ANKRD52: variants seen among roughly 807,000 people sequenced by gnomAD.
The protein encoded by ANKRD52 is ankyrin repeat domain 52.
In ANKRD52, 7 loss-of-function variants were observed where a neutral mutation model predicts 116.0. The ratio of observed to expected loss-of-function variants is 0.06; its 90% CI spans 0.03 to 0.11. ANKRD52 has a LOEUF of 0.11. Ranked by LOEUF, ANKRD52 falls within the 10% of genes least tolerant of loss-of-function variation. ANKRD52 has a pLI of 1.00. For synonymous variants in ANKRD52, 528 were observed against 578.1 expected (o/e 0.91, Z 1.24); for missense variants, 839 against 1,408.6 (o/e 0.60, Z 6.47).
At position 56,245,551 on chromosome 12, in the gene ANKRD52, C is replaced by T. The variant is rs767235586; in HGVS notation, c.2230G>A (p.Asp744Asn). The T allele has an allele frequency of 5.6e-6, 9 of 1,609,476 alleles. No homozygotes were observed. The highest frequency in any genetic ancestry group is 2.2e-5 in the East Asian group (1 of 44,844). The change falls in exon 21 of 28, where the codon GAC (aspartate) becomes AAC (asparagine). Residue 744 changes from aspartate to asparagine, a missense_variant. By Grantham distance (23) the Asp-to-Asn change is conservative. Coordinates refer to ENST00000267116, the MANE Select transcript of ANKRD52 (RefSeq NM_173595.4). ...EDCLAALLDH[D>N]AFVLCRDFKG... ...AAGTCTCGGCACAGCACAAATGCGT[C>T]GTGGTCCAGCAGGGCAGCCAGGCAG...
rs1871820551 is a variant in ANKRD52 at position 56,253,942 on chromosome 12, C to A, written c.906+125G>T. 1 of 1,332,776 alleles carries A rather than the reference C, an allele frequency of 7.5e-7. No individual in the cohort carries two copies. Among genetic ancestry groups the A allele is most frequent in the East Asian group, 2.4e-5 (1 of 41,568 alleles). 82.6% of individuals were successfully genotyped at this position (1,332,776 alleles called of 1,614,324 possible). On this transcript the variant is annotated intron_variant, in intron 8 of 27. Transcript: ENST00000267116. This position sits in a 1 kb window ranked among gnomAD's most constrained non-coding sequence, Gnocchi z 5.5. ...TCTTAGCCCACTCTTTCCTGAGTCC[C>A]TGGCAAGGTCTGATTACCCTAGGAA...
In ANKRD52 at chr12:56,243,526, C is replaced by T. The variant is rs956641267; in HGVS notation, c.2981-134G>A. 10 of 1,329,842 alleles carry T rather than the reference C, an allele frequency of 7.5e-6. No individual in the cohort carries two copies. Among genetic ancestry groups the T allele is most frequent in the South Asian group, 1.5e-5 (1 of 66,850 alleles). The allele number at this position is 1,329,842 out of a possible 1,614,324, so 82.4% of individuals were successfully genotyped here. A position where few individuals can be genotyped will look rare whatever the true frequency, so the allele number is the denominator to read the frequency against. On this transcript the variant is annotated intron_variant, in intron 27 of 27. Coordinates refer to ENST00000267116, the MANE Select transcript of ANKRD52 (RefSeq NM_173595.4). The surrounding 1 kb of genome is among the most constrained non-coding windows in gnomAD (Gnocchi z 4.6). ...CAGCAGCGGCAGAATCCAAGGGTGACGAGGGCCCAGGAAGGCTGACAGGCA... is the reference window on the plus strand; with the variant it reads ...CAGCAGCGGCAGAATCCAAGGGTGATGAGGGCCCAGGAAGGCTGACAGGCA...
chr12:56,245,365 C>A lies in ANKRD52; in HGVS notation c.2404+12G>T. 1 of 1,608,742 alleles carries A rather than the reference C, an allele frequency of 6.2e-7. No individual in the cohort carries two copies. Among genetic ancestry groups the A allele is most frequent in the Non-Finnish European group, 8.5e-7 (1 of 1,177,982 alleles). ...ACATGCTCCTGTGCCTGTGGAGGCC[C>A]CAGTCTAGTACCAGTGTAGGAGGCC... is the stretch of plus-strand genomic sequence containing the variant. On this transcript the variant is annotated intron_variant, in intron 21 of 27. Transcript: ENST00000267116.
intron 20 of ANKRD52, among the ~76,000 whole-genome samples, chr12:56,247,271 A>T (rs181033285): frequency 1.8e-3 from 270 of 150,866 alleles, no homozygotes; most frequent in African/African-American, 3.8e-3. Context: ...ACCTGAGCCC[A>T]GGAAGTCAAG....
Position 56,247,544 on chromosome 12 carries a change from T to C in ANKRD52, c.2133A>G (p.Gly711=). Residue 711 remains glycine (G), a synonymous_variant, in exon 20 of 28, where the codon GGA becomes GGG. Transcript: ENST00000267116. ...VDCVHLLLEK[G]STADAADLRG... ...GGAGGTCAGCAGCATCAGCTGTGGA[T>C]CCTTTCTCTAGCAGCAGATGTACAC... 6.3e-7 allele frequency: 1 copy of C among 1,597,000 alleles called. No homozygotes were observed.
chr12:56,247,364 A>G (rs1242985239), intron 20 of ANKRD52, 129 bp downstream of exon 20: 10 of 752,522 alleles, frequency 1.3e-5, no homozygotes, highest in Admixed American at 6.1e-5. Context: ...AAAAAAAAAA[A>G]GAAAAAGAAA....
In ANKRD52 at chr12:56,254,331, G is replaced by A. The variant is rs1871842909; in HGVS notation, c.694-52C>T. The A allele has an allele frequency of 5.2e-5, 81 of 1,569,728 alleles. No individual in the cohort carries two copies. Among genetic ancestry groups the A allele is most frequent in the Non-Finnish European group, 6.9e-5 (79 of 1,147,300 alleles). On this transcript the variant is annotated intron_variant, in intron 7 of 27. Coordinates refer to ENST00000267116, the MANE Select transcript of ANKRD52 (RefSeq NM_173595.4). The surrounding 1 kb of genome is among the most constrained non-coding windows in gnomAD (Gnocchi z 4.6). ...TGGTATCAGTTTAAACAAAGTAGAA[G>A]CCAGCACATGTAGCCTCCAGATCCC...
Position 56,248,344 on chromosome 12 carries a change from G to A in ANKRD52, c.1777-120C>T. Reference sequence around the variant, plus strand: ...GTCTTAGTCCTTGACAAGCTCCTTGGGCCCCTTAAGGCTTCCTACCCTGCA... The same window carrying A: ...GTCTTAGTCCTTGACAAGCTCCTTGAGCCCCTTAAGGCTTCCTACCCTGCA... On this transcript the variant is annotated intron_variant, in intron 17 of 27. Transcript: ENST00000267116. The surrounding 1 kb of genome is among the most constrained non-coding windows in gnomAD (Gnocchi z 5.1). 2 of 1,407,604 alleles carry A rather than the reference G, an allele frequency of 1.4e-6. No individual in the cohort carries two copies. The allele number at this position is 1,407,604 out of a possible 1,614,324, so 87.2% of individuals were successfully genotyped here.
At position 56,258,291 on chromosome 12, in the gene ANKRD52, G is replaced by T; in HGVS notation, c.-22C>A. On this transcript the variant is annotated 5_prime_UTR_variant, in exon 1 of 28. Coordinates refer to ENST00000267116, the MANE Select transcript of ANKRD52 (RefSeq NM_173595.4). ...CCATGGCTCGGCCCGGGCTCCGTCC[G>T]CATCGAGCTCCCGGCGGCGGCGGCG... 1 of 1,554,132 alleles carries T rather than the reference G, an allele frequency of 6.4e-7. No homozygotes were observed.
At position 56,254,103 on chromosome 12, in the gene ANKRD52, C is replaced by A. The variant is rs1489090722; in HGVS notation, c.870G>T (p.Glu290Asp). ...AVSTNGALCLELLVNNGADVN... is the reference protein window; with the variant it reads ...AVSTNGALCLDLLVNNGADVN... ...CGTCAGCCCCATTATTAACCAGTAG[C>A]TCCAAGCAGAGAGCGCCATTGGTGG... The change falls in exon 8 of 28, where the codon GAG becomes GAT. Residue 290 changes from glutamate (E) to aspartate (D), a missense_variant. Transcript: ENST00000267116. The surrounding 1 kb of genome is among the most constrained non-coding windows in gnomAD (Gnocchi z 4.6). The A allele has an allele frequency of 6.2e-7, 1 of 1,613,774 alleles. No homozygotes were observed. Among genetic ancestry groups the A allele is most frequent in the Non-Finnish European group, 8.5e-7 (1 of 1,179,854 alleles).
rs1326297156 is a variant in ANKRD52 at position 56,245,569 on chromosome 12, C to A, written c.2212G>T (p.Ala738Ser). The A allele has an allele frequency of 1.9e-6, 3 of 1,605,768 alleles. No individual in the cohort carries two copies. In the African/African-American group the frequency reaches 4.0e-5, roughly 22 times the overall value. Residue 738 changes from alanine to serine, a missense_variant, in exon 21 of 28, where the codon GCT (alanine) becomes TCT (serine). This residue lies in a region of ANKRD52 where 552 missense variants were observed against 810.6 expected (regional missense o/e 0.68). Coordinates refer to ENST00000267116, the MANE Select transcript of ANKRD52 (RefSeq NM_173595.4). ...GAVTGCEDCL[A>S]ALLDHDAFVL... The stretch of plus-strand genomic sequence containing the variant: ...AATGCGTCGTGGTCCAGCAGGGCAG[C>A]CAGGCAGTCCTCACAGCCAGTCACT...
Position 56,244,287 on chromosome 12 carries a change from C to A in ANKRD52, c.2805+66G>T, listed in dbSNP as rs747721611. 7.6e-6 allele frequency: 12 copies of A among 1,579,112 alleles called. No individual in the cohort carries two copies. The highest frequency in any genetic ancestry group is 1.0e-5 in the Non-Finnish European group (12 of 1,150,220). On this transcript the variant is annotated intron_variant, in intron 25 of 27. Transcript: ENST00000267116. This position sits in a 1 kb window ranked among gnomAD's most constrained non-coding sequence, Gnocchi z 4.9. ...CTTCTGCCCCAGTCCCCTCTGCAAC[C>A]GAGACTTACCTCTCTTCATCAAGCT...
chr12:56,247,800 G>A, intron 18 of ANKRD52, 26 bp from the exon 19 acceptor site: 5 of 1,601,764 alleles, frequency 3.1e-6, no homozygotes, highest in Non-Finnish European at 4.3e-6. Flanking sequence ...CCCGTGTCAG[G>A]GCAGGGCCAG....
intron 2 of ANKRD52, 48 bp downstream of exon 2, chr12:56,257,780 A>T: frequency 6.3e-7 from 1 of 1,588,572 alleles, no homozygotes; most frequent in Non-Finnish European, 8.6e-7. Flanking sequence ...GGTCCAGAAC[A>T]CGGGAGCCAG....
chr12:56,245,211 G>A, intron 21 of ANKRD52, 21 bp from the exon 22 acceptor site: 1 of 1,613,182 alleles, frequency 6.2e-7, no homozygotes, highest in African/African-American at 1.3e-5. Flanking sequence ...GGAAGGAAGA[G>A]TAGTGATGGA....
Position 56,247,476 on chromosome 12 carries a change from C to G in ANKRD52, c.2184+17G>C, listed in dbSNP as rs75089885. 4,891 of 1,552,950 alleles carry G rather than the reference C, an allele frequency of 3.1e-3. 8 individuals are homozygous for G. Among genetic ancestry groups the G allele is most frequent in the Middle Eastern group, 4.3e-3 (22 of 5,124 alleles). On this transcript the variant is annotated intron_variant, in intron 20 of 27. Coordinates refer to ENST00000267116, the MANE Select transcript of ANKRD52 (RefSeq NM_173595.4). Reference sequence around the variant, plus strand: ...TGAGGCCCATGTGCAAACAATCCCCCCTAGAAGCTCACTCACCCCGCGGTG... The same window carrying G: ...TGAGGCCCATGTGCAAACAATCCCCGCTAGAAGCTCACTCACCCCGCGGTG...
chr12:56,243,523 T>C lies in ANKRD52; in HGVS notation c.2981-131A>G. 2.2e-6 allele frequency: 3 copies of C among 1,335,482 alleles called. No homozygotes were observed. Among genetic ancestry groups the C allele is most frequent in the Non-Finnish European group, 3.0e-6 (3 of 990,572 alleles). 82.7% of individuals were successfully genotyped at this position (1,335,482 alleles called of 1,614,324 possible). On this transcript the variant is annotated intron_variant, in intron 27 of 27. Transcript: ENST00000267116. This position sits in a 1 kb window ranked among gnomAD's most constrained non-coding sequence, Gnocchi z 4.6. Reference sequence around the variant, plus strand: ...ACCCAGCAGCGGCAGAATCCAAGGGTGACGAGGGCCCAGGAAGGCTGACAG... The same window carrying C: ...ACCCAGCAGCGGCAGAATCCAAGGGCGACGAGGGCCCAGGAAGGCTGACAG...
intron 20 of ANKRD52, 110 bp from the exon 21 acceptor site, chr12:56,245,706 G>GT: frequency 1.3e-4 from 70 of 532,208 alleles, no homozygotes; most frequent in Middle Eastern, 5.2e-4. Flanking sequence ...TCCAATCCTT[G>GT]TCTTTTTTTT....
chr12:56,255,865 T>C lies in ANKRD52; in HGVS notation c.381A>G (p.Ala127=). 6.3e-7 allele frequency: 1 copy of C among 1,575,684 alleles called. No individual in the cohort carries two copies. Among genetic ancestry groups the C allele is most frequent in the Non-Finnish European group, 8.6e-7 (1 of 1,160,544 alleles). The part of the protein sequence containing the change: ...NRATKCAEAL[A]PLLSSLNVAD... ...CCACGTTGAGGCTGCTCAACAGGGG[T>C]GCCAGAGCCTCAGCACACTTGGTGG... is the stretch of plus-strand genomic sequence containing the variant. The change falls in exon 5 of 28, where the codon GCA becomes GCG. Residue 127 remains alanine (A), a synonymous_variant. Coordinates refer to ENST00000267116, the MANE Select transcript of ANKRD52 (RefSeq NM_173595.4). This position sits in a 1 kb window ranked among gnomAD's most constrained non-coding sequence, Gnocchi z 4.3.
Sources: gnomAD v4.1 joint callset for allele counts (sites outside exome capture counted in the v4.1 genomes callset) on GRCh38, gnomAD v4.1.1 for gene constraint, gnomAD v4.1.1 regional missense constraint, Gnocchi (gnomAD v3.1) non-coding constraint, MANE v1.5 for transcripts, NCBI Gene and HGNC (gene_info 2026-07-23, HGNC 2026-07-21) for gene names.